Variants in DMD observed in about 807,000 individuals in gnomAD.
DMD encodes the protein mutant dystrophin.
A neutral mutation model predicts 330.1 loss-of-function variants in DMD; 63 were observed. The ratio of observed to expected loss-of-function variants is 0.19; its 90% confidence interval spans 0.16 to 0.24. The LOEUF (loss-of-function observed/expected upper bound fraction) is 0.24. Among genes scored for constraint, DMD ranks in the 10% least tolerant of loss-of-function variants. DMD has a pLI of 1.00. For missense variants in DMD, 3,344 were observed against 2,684.1 expected (o/e 1.25, Z -5.43); for synonymous variants, 1,223 against 959.8 (o/e 1.27, Z -5.07).
intron 1 of DMD, among the ~76,000 whole-genome samples, chrX:33,295,934 G>A (rs1288975477): frequency 2.7e-5 from 3 of 111,377 alleles, no homozygotes; most frequent in African/African-American, 9.8e-5. Flanking sequence ...ACATCCATGG[G>A]GGATGAGCTA....
At chrX:31,634,626 A>T (rs1199552133) in intron 54 of DMD, among the ~76,000 whole-genome samples, 1 of 111,598 alleles carries the variant, frequency 9.0e-6, no homozygotes, top group Non-Finnish European at 1.9e-5. Flanking sequence ...TCACGTAAGG[A>T]ATTTTGAAAG....
intron 21 of DMD, among the ~76,000 whole-genome samples, chrX:32,474,027 G>A (rs982639348): frequency 3.6e-5 from 4 of 109,868 alleles, no homozygotes; most frequent in Non-Finnish European, 7.6e-5. Context: ...TCATTCTAAT[G>A]CCTGTGTGTC....
At chrX:33,194,399 G>C (rs747852741) in intron 1 of DMD, among the ~76,000 whole-genome samples, 2 of 109,718 alleles carry the variant, frequency 1.8e-5, no homozygotes, top group African/African-American at 6.6e-5. Flanking sequence ...CTCTGCTTTT[G>C]GCATACGGAG....
In DMD at chrX:31,253,170, CAT is replaced by C. The variant is rs1259257145; in HGVS notation, c.9286+7783_9286+7784del. Among the ~76,000 whole-genome samples the C allele has an allele frequency of 5.0e-4, 56 of 111,617 alleles. No homozygotes were observed. In the Admixed American group the frequency reaches 5.2e-3, roughly 10 times the overall value. On this transcript the variant is annotated intron_variant, in intron 63 of 78. Coordinates refer to ENST00000357033, the MANE Select transcript of DMD (RefSeq NM_004006.3). ...GATGAAAGATCACTGGCCAACATGA[CAT>C]ATAAGAAAATGAAGACCAATAGAAA...
chrX:32,821,708 G>C (rs1200559062), intron 5 of DMD, among the ~76,000 whole-genome samples: 4 of 111,660 alleles, frequency 3.6e-5, no homozygotes, highest in African/African-American at 1.3e-4. Context: ...CAAGAAGCCA[G>C]ACACAAAAGA....
rs761104813 is a variant in DMD at position 31,481,259 on chromosome X, T to C, written c.8548-2156A>G. ...TTGCCTTGAAGGTAATCAGGAACCT[T>C]TGAACGGTTTTAACCAAGGGAGTGG... On this transcript the variant is annotated intron_variant, in intron 57 of 78. Coordinates refer to ENST00000357033, the MANE Select transcript of DMD (RefSeq NM_004006.3). Among the ~76,000 whole-genome samples the C allele has an allele frequency of 2.7e-5, 3 of 112,502 alleles. No individual in the cohort carries two copies. In the Admixed American group the frequency reaches 2.8e-4, roughly 11 times the overall value.
At chrX:32,650,338 C>A (rs1231271282) in intron 9 of DMD, among the ~76,000 whole-genome samples, 2 of 111,872 alleles carry the variant, frequency 1.8e-5, no homozygotes, top group Non-Finnish European at 3.8e-5. Context: ...TTTTATCATT[C>A]TCAGTTCATT....
chrX:31,255,190 G>A (rs1244411820), intron 63 of DMD, among the ~76,000 whole-genome samples: 1 of 111,068 alleles, frequency 9.0e-6, no homozygotes, highest in African/African-American at 3.3e-5. Context: ...AAAAGGACAG[G>A]CTTTTAACCA....
At chrX:31,161,490 AC>A (rs916251402) in intron 74 of DMD, among the ~76,000 whole-genome samples, 11 of 111,431 alleles carry the variant, frequency 9.9e-5, no homozygotes, top group African/African-American at 3.3e-4. Context: ...CCATGCACTA[AC>A]CCTTTGCAAA....
intron 62 of DMD, among the ~76,000 whole-genome samples, chrX:31,292,585 C>T (rs765743143): frequency 1.9e-4 from 21 of 111,849 alleles, no homozygotes; most frequent in Middle Eastern, 4.6e-3. Context: ...CTACCCTCAA[C>T]ATAGGCAATT....
At chrX:33,323,031 T>C (rs900195244) in intron 1 of DMD, among the ~76,000 whole-genome samples, 2 of 111,565 alleles carry the variant, frequency 1.8e-5, no homozygotes, top group Admixed American at 9.6e-5. Flanking sequence ...CCAGCTGTCA[T>C]GCAAAACCCA....
intron 7 of DMD, among the ~76,000 whole-genome samples, chrX:32,729,960 A>G (rs187363072): frequency 1.6e-3 from 183 of 111,723 alleles, no homozygotes; most frequent in African/African-American, 5.1e-3. Context: ...GGTATACTTA[A>G]GAGTTGGTTA....
chrX:32,691,942 G>T (rs2063312005), intron 9 of DMD, among the ~76,000 whole-genome samples: 1 of 111,413 alleles, frequency 9.0e-6, no homozygotes, highest in Admixed American at 9.6e-5. Context: ...CTTATAAGAG[G>T]TATGTAAAAT....
At chrX:32,764,428 A>T (rs1204114054) in intron 7 of DMD, among the ~76,000 whole-genome samples, 2 of 111,054 alleles carry the variant, frequency 1.8e-5, no homozygotes, top group African/African-American at 6.5e-5. Context: ...TCCCCCAAAA[A>T]ACTTCATATC....
intron 34 of DMD, among the ~76,000 whole-genome samples, chrX:32,377,919 T>C (rs2097910416): frequency 1.8e-5 from 2 of 111,347 alleles, no homozygotes; most frequent in Admixed American, 1.9e-4. Flanking sequence ...CAATATTTTT[T>C]CCTCTCATAG....
intron 55 of DMD, among the ~76,000 whole-genome samples, chrX:31,573,369 T>C (rs1235444155): frequency 8.9e-6 from 1 of 111,911 alleles, no homozygotes; most frequent in Admixed American, 9.5e-5. Context: ...GGCAATCCTA[T>C]ATGGCTCAAA....
At chrX:32,720,765 CATT>C (rs1239760400) in intron 7 of DMD, among the ~76,000 whole-genome samples, 2 of 111,158 alleles carry the variant, frequency 1.8e-5, no homozygotes, top group East Asian at 2.8e-4. Flanking sequence ...CATTTTACCC[CATT>C]ATTATCTGCT....
chrX:32,422,209 C>T (rs2098192959), intron 29 of DMD, among the ~76,000 whole-genome samples: 1 of 111,515 alleles, frequency 9.0e-6, no homozygotes, highest in Admixed American at 9.6e-5. Flanking sequence ...TAGCAAAGTG[C>T]ACCTTATACA....
At chrX:32,569,582 G>A (rs1039875268) in intron 15 of DMD, among the ~76,000 whole-genome samples, 2 of 111,491 alleles carry the variant, frequency 1.8e-5, no homozygotes, top group Non-Finnish European at 3.8e-5. Context: ...GATGCTGCCG[G>A]TCGGGGGAAC....
Sources: gnomAD v4.1 joint callset for allele counts (sites outside exome capture counted in the v4.1 genomes callset) on GRCh38, gnomAD v4.1.1 for gene constraint, MANE v1.5 for transcripts, NCBI Gene and HGNC (gene_info 2026-07-23, HGNC 2026-07-21) for gene names.